CSMD1: variants seen among roughly 807,000 people sequenced by gnomAD.
CSMD1 encodes the protein CUB and Sushi multiple domains 1.
A neutral mutation model predicts 417.5 loss-of-function variants in CSMD1; 213 were observed. That is an observed-to-expected ratio of 0.51 (90% CI 0.46 to 0.57). CSMD1 has a LOEUF of 0.57. Among genes scored for constraint, CSMD1 ranks in the 20% least tolerant of loss-of-function variants. The probability of loss-of-function intolerance (pLI) is 0.00; values close to 1 mark genes in which losing one functional copy is unlikely to be tolerated. For synonymous variants in CSMD1, 2,862 were observed against 1,736.8 expected (o/e 1.65, Z -16.11); for missense variants, 6,923 against 4,529.7 (o/e 1.53, Z -15.17).
chr8:3,795,007 A>G (rs62479732), intron 5 of CSMD1, among the ~76,000 whole-genome samples: 87,100 of 104,194 alleles, frequency 0.84, 41,654 homozygotes, highest in East Asian at 0.94. Flanking sequence ...TATAGCTATA[A>G]ATACATATCT....
At chr8:4,820,412 T>C (rs573633302) in intron 1 of CSMD1, among the ~76,000 whole-genome samples, 1 of 152,258 alleles carries the variant, frequency 6.6e-6, no homozygotes, top group African/African-American at 2.4e-5. Flanking sequence ...GCAATTAAAA[T>C]ATACACGAGA....
At chr8:3,458,993 G>A (rs1322402597) in intron 12 of CSMD1, among the ~76,000 whole-genome samples, 2 of 152,230 alleles carry the variant, frequency 1.3e-5, no homozygotes, top group Non-Finnish European at 2.9e-5. Context: ...TGGGCCTTGG[G>A]GAAGGGAAGG....
intron 3 of CSMD1, among the ~76,000 whole-genome samples, chr8:4,189,520 A>C (rs6558853): frequency 2.0e-5 from 3 of 151,654 alleles, no homozygotes; most frequent in East Asian, 1.9e-4. Flanking sequence ...ACATATATTA[A>C]AGATCAATCA....
chr8:4,821,447 T>C (rs1447442831), intron 1 of CSMD1, among the ~76,000 whole-genome samples: 1 of 152,182 alleles, frequency 6.6e-6, no homozygotes, highest in African/African-American at 2.4e-5. Context: ...AAAAATCTCA[T>C]ACTACGCAGT....
At chr8:4,553,483 T>C (rs899277490) in intron 2 of CSMD1, among the ~76,000 whole-genome samples, 1 of 152,080 alleles carries the variant, frequency 6.6e-6, no homozygotes, top group African/African-American at 2.4e-5. Flanking sequence ...ACCATTTTAT[T>C]CAAAAATAAA....
chr8:4,195,217 A>G (rs1413987658), intron 3 of CSMD1, among the ~76,000 whole-genome samples: 2 of 152,186 alleles, frequency 1.3e-5, no homozygotes, highest in East Asian at 1.9e-4. Context: ...GGGTGCATAC[A>G]TTCGATTTCA....
At chr8:4,748,393 T>A (rs1585037663) in intron 1 of CSMD1, among the ~76,000 whole-genome samples, 1 of 152,352 alleles carries the variant, frequency 6.6e-6, no homozygotes, top group Admixed American at 6.5e-5. Flanking sequence ...ACTTTTTAAA[T>A]CTGAAACTAA....
In CSMD1 at chr8:4,855,442, G is replaced by C. The variant is rs897234266; in HGVS notation, c.85+138890C>G. Among the ~76,000 whole-genome samples, 7 of 152,270 alleles carry C rather than the reference G, an allele frequency of 4.6e-5. 1 individual carries two copies. The East Asian group carries it at 1.4e-3, about 29-fold the overall frequency. The stretch of plus-strand genomic sequence containing the variant: ...TGACTTTGACGAGCTGAGAGAAGAA[G>C]GCTTCAGACGATCAAATTACTCTCA... On this transcript the variant is annotated intron_variant, in intron 1 of 69. Coordinates refer to ENST00000635120, the MANE Select transcript of CSMD1 (RefSeq NM_033225.6).
At chr8:3,310,956 T>G (rs1291317061) in intron 23 of CSMD1, among the ~76,000 whole-genome samples, 1 of 152,196 alleles carries the variant, frequency 6.6e-6, no homozygotes, top group African/African-American at 2.4e-5. Flanking sequence ...GAAACACATC[T>G]GCTGGGGATG....
chr8:4,854,089 T>A (rs2118564), intron 1 of CSMD1, among the ~76,000 whole-genome samples: 6 of 152,154 alleles, frequency 3.9e-5, no homozygotes, highest in South Asian at 2.1e-4. Context: ...AGAAGAGACA[T>A]TGGACATGAG....
intron 4 of CSMD1, among the ~76,000 whole-genome samples, chr8:4,010,993 T>A (rs11779813): frequency 6.6e-6 from 1 of 152,144 alleles, no homozygotes; most frequent in Non-Finnish European, 1.5e-5. Flanking sequence ...ACTGCTCCCT[T>A]TCTGGGGGAT....
chr8:3,300,254 T>C (rs938449822), intron 25 of CSMD1, among the ~76,000 whole-genome samples: 1 of 152,138 alleles, frequency 6.6e-6, no homozygotes, highest in East Asian at 1.9e-4. Flanking sequence ...AATGAACATA[T>C]CACATTTTAT....
intron 6 of CSMD1, among the ~76,000 whole-genome samples, chr8:3,737,083 T>C (rs531775745): frequency 2.6e-5 from 4 of 152,384 alleles, no homozygotes; most frequent in African/African-American, 9.6e-5. Context: ...TGTTCATTTA[T>C]ATTATAGTCA....
At chr8:4,256,381 C>G (rs900473030) in intron 3 of CSMD1, among the ~76,000 whole-genome samples, 1 of 152,190 alleles carries the variant, frequency 6.6e-6, no homozygotes, top group Non-Finnish European at 1.5e-5. Flanking sequence ...GCTCTGATTA[C>G]TACACCCCTC....
intron 3 of CSMD1, among the ~76,000 whole-genome samples, chr8:4,205,965 A>C (rs192086089): frequency 9.2e-5 from 14 of 152,210 alleles, no homozygotes; most frequent in Non-Finnish European, 2.1e-4. Context: ...TCTTTTTCAC[A>C]CGTTTCCATT....
chr8:4,233,227 G>C (rs1007163353), intron 3 of CSMD1, among the ~76,000 whole-genome samples: 2 of 151,888 alleles, frequency 1.3e-5, no homozygotes, highest in African/African-American at 4.8e-5. Context: ...TTTTCTTTTT[G>C]AAGTTAACAC....
At chr8:4,020,925 G>A (rs181998370) in intron 4 of CSMD1, among the ~76,000 whole-genome samples, 1 of 152,310 alleles carries the variant, frequency 6.6e-6, no homozygotes, top group South Asian at 2.1e-4. Flanking sequence ...GAAACTTAAA[G>A]GGAAGAATTT....
At chr8:4,492,918 G>T (rs1201485602) in intron 2 of CSMD1, among the ~76,000 whole-genome samples, 11 of 152,206 alleles carry the variant, frequency 7.2e-5, no homozygotes. Context: ...TTAGATGGAA[G>T]AAACTGTCAC....
intron 3 of CSMD1, among the ~76,000 whole-genome samples, chr8:4,349,263 G>C (rs1055994030): frequency 6.6e-6 from 1 of 152,106 alleles, no homozygotes; most frequent in Admixed American, 6.6e-5. Flanking sequence ...ACAGACCAGT[G>C]GTTTTCAAAA....
Sources: gnomAD v4.1 joint callset for allele counts (sites outside exome capture counted in the v4.1 genomes callset) on GRCh38, gnomAD v4.1.1 for gene constraint, MANE v1.5 for transcripts, NCBI Gene and HGNC (gene_info 2026-07-23, HGNC 2026-07-21) for gene names.